Variants in SLC35D1 observed in about 807,000 individuals in gnomAD.
The protein encoded by SLC35D1 is nucleotide sugar transporter SLC35D1.
In SLC35D1, 31 loss-of-function variants were observed where a neutral mutation model predicts 46.7. That is an observed-to-expected ratio of 0.66 (90% CI 0.50 to 0.90). SLC35D1 has a LOEUF of 0.90. SLC35D1 is among the 40% of genes least tolerant of loss of function. SLC35D1 has a pLI of 0.00. For missense variants in SLC35D1, 397 were observed against 426.2 expected (o/e 0.93, Z 0.60); for synonymous variants, 195 against 164.6 (o/e 1.18, Z -1.41).
chr1:67,001,688 G>C lies in SLC35D1; in HGVS notation c.*2652C>G, dbSNP rs1448103217. 1 of 152,374 alleles carries C rather than the reference G, an allele frequency of 6.6e-6. No homozygotes were observed. Among genetic ancestry groups the C allele is most frequent in the Admixed American group, 6.5e-5 (1 of 15,286 alleles). The allele number at this position is 152,374 out of a possible 1,614,324, so 9.4% of individuals were successfully genotyped here. On this transcript the variant is annotated 3_prime_UTR_variant, in exon 12 of 12. Coordinates refer to ENST00000235345, the MANE Select transcript of SLC35D1 (RefSeq NM_015139.3). ...ACCAGACTTTCTGGGAGGTGCCACA[G>C]TACCAGGTAAATCACCAGTATATTG...
intron 10 of SLC35D1, among the ~76,000 whole-genome samples, chr1:67,017,268 T>C (rs1258077838): frequency 2.0e-5 from 3 of 152,124 alleles, no homozygotes; most frequent in African/African-American, 7.2e-5. Flanking sequence ...AATGGGAGAC[T>C]AGAAGAAAAA....
the SLC35D1 span, among the ~76,000 whole-genome samples, chr1:66,976,149 A>G: frequency 6.6e-6 from 1 of 151,514 alleles, no homozygotes; most frequent in African/African-American, 2.4e-5. Context: ...GATTACAGGC[A>G]CCTGCCACCA....
chr1:67,031,545 G>A (rs1668017996), intron 8 of SLC35D1, among the ~76,000 whole-genome samples: 1 of 151,618 alleles, frequency 6.6e-6, no homozygotes, highest in Non-Finnish European at 1.5e-5. Context: ...CATCTGTACT[G>A]CCGCAAAAAA....
downstream of SLC35D1, among the ~76,000 whole-genome samples, chr1:66,994,582 T>A (rs944921788): frequency 6.6e-6 from 1 of 151,386 alleles, no homozygotes; most frequent in Non-Finnish European, 1.5e-5. Context: ...AGGCAGAGGT[T>A]GCAGTGAGCC....
the SLC35D1 span, chr1:66,988,608 C>T: frequency 2.6e-5 from 4 of 152,076 alleles, no homozygotes; most frequent in Admixed American, 1.3e-4. Context: ...ATTAAAATGT[C>T]ATTTTGCTTG....
chr1:66,988,257 T>G, the SLC35D1 span: 4 of 152,270 alleles, frequency 2.6e-5, no homozygotes, highest in Admixed American at 1.3e-4. Flanking sequence ...TAAAAATGAC[T>G]CTCTTCTCTC....
the SLC35D1 span, chr1:66,985,988 G>A: frequency 1.0e-6 from 1 of 987,814 alleles, no homozygotes; most frequent in Non-Finnish European, 1.2e-6. Flanking sequence ...AATATATCAT[G>A]CTGACCAGAA....
intron 11 of SLC35D1, among the ~76,000 whole-genome samples, chr1:67,007,515 G>C (rs1055389319): frequency 6.6e-6 from 1 of 152,096 alleles, no homozygotes; most frequent in African/African-American, 2.4e-5. Flanking sequence ...GCACACTATT[G>C]CCACATGGTT....
intron 11 of SLC35D1, among the ~76,000 whole-genome samples, chr1:67,005,976 G>T (rs866896821): frequency 6.6e-6 from 1 of 152,108 alleles, no homozygotes; most frequent in Non-Finnish European, 1.5e-5. Context: ...CTTGAGGAAA[G>T]GGGGCCTCAT....
chr1:67,010,818 T>C (rs1667551360), intron 10 of SLC35D1, among the ~76,000 whole-genome samples: 1 of 152,170 alleles, frequency 6.6e-6, no homozygotes, highest in Non-Finnish European at 1.5e-5. Context: ...TTCTTTAACA[T>C]ACAGTAATTA....
chr1:67,017,106 A>G (rs907986630), intron 10 of SLC35D1, among the ~76,000 whole-genome samples: 3 of 152,198 alleles, frequency 2.0e-5, no homozygotes, highest in African/African-American at 7.2e-5. Flanking sequence ...AAGATTCCTT[A>G]TTAAAAAGTT....
At chr1:67,008,293 C>T (rs1293220365) in intron 11 of SLC35D1, 13 of 498,186 alleles carry the variant, frequency 2.6e-5, no homozygotes, top group Non-Finnish European at 3.3e-5. Flanking sequence ...TGCCTGCCAC[C>T]ACATCCAGCT....
In SLC35D1 at chr1:67,003,060, A is replaced by C. The variant is rs1221935423; in HGVS notation, c.*1280T>G. Reference sequence around the variant, plus strand: ...AGGTGAGCCAAGGGGCACATGATGTAGGTGAGAATGTTGAAAGGAGGGAAG... The same window carrying C: ...AGGTGAGCCAAGGGGCACATGATGTCGGTGAGAATGTTGAAAGGAGGGAAG... On this transcript the variant is annotated 3_prime_UTR_variant, in exon 12 of 12. Transcript: ENST00000235345. 6.6e-6 allele frequency: 1 copy of C among 152,398 alleles called. No individual in the cohort carries two copies. Among genetic ancestry groups the C allele is most frequent in the East Asian group, 1.9e-4 (1 of 5,344 alleles). 9.4% of individuals were successfully genotyped at this position (152,398 alleles called of 1,614,324 possible).
chr1:67,038,986 T>A (rs538246686), intron 8 of SLC35D1, among the ~76,000 whole-genome samples: 8 of 152,280 alleles, frequency 5.3e-5, no homozygotes, highest in Admixed American at 3.9e-4. Context: ...TTTTTCATCG[T>A]TGGCCTCCAA....
chr1:66,992,702 A>T, the SLC35D1 span, among the ~76,000 whole-genome samples: 4 of 152,216 alleles, frequency 2.6e-5, no homozygotes, highest in African/African-American at 9.7e-5. Context: ...ACTATTAGCT[A>T]CGCTTTACCC....
chr1:66,988,586 ATG>A, the SLC35D1 span: 2 of 152,320 alleles, frequency 1.3e-5, no homozygotes, highest in African/African-American at 4.8e-5. Context: ...GAATTATAGA[ATG>A]TATAATGTAA....
rs149106910 is a variant in SLC35D1, at chr1:67,053,952, G to T, written c.62C>A (p.Ser21Tyr). The change falls in exon 1 of 12, where the codon TCC (serine) becomes TAC (tyrosine). Residue 21 changes from serine (S) to tyrosine (Y), a missense_variant. Coordinates refer to ENST00000235345, the MANE Select transcript of SLC35D1 (RefSeq NM_015139.3). ...CAGCTCCTCCTCATCTCGGAGTGTGGAGGATTTCGCGGGGGCTTCTCCTTT... is the reference window on the plus strand; with the variant it reads ...CAGCTCCTCCTCATCTCGGAGTGTGTAGGATTTCGCGGGGGCTTCTCCTTT... ...RVKGEAPAKSSTLRDEEELGM... is the reference protein window; with the variant it reads ...RVKGEAPAKSYTLRDEEELGM... The T allele has an allele frequency of 2.5e-6, 4 of 1,613,570 alleles. No homozygotes were observed.
intron 1 of SLC35D1, among the ~76,000 whole-genome samples, 181 bp from the exon 2 acceptor site, chr1:67,053,170 G>C (rs1296553081): frequency 6.6e-6 from 1 of 152,124 alleles, no homozygotes; most frequent in South Asian, 2.1e-4. Context: ...AGTCCACCCC[G>C]CTGATGTAGC....
At chr1:67,026,988 C>T (rs910430535) in intron 8 of SLC35D1, among the ~76,000 whole-genome samples, 25 of 152,086 alleles carry the variant, frequency 1.6e-4, no homozygotes, top group African/African-American at 3.6e-4. Context: ...GTCCCTCCCA[C>T]GACACATGGG....
Sources: gnomAD v4.1 joint callset for allele counts (sites outside exome capture counted in the v4.1 genomes callset) on GRCh38, gnomAD v4.1.1 for gene constraint, MANE v1.5 for transcripts, NCBI Gene and HGNC (gene_info 2026-07-23, HGNC 2026-07-21) for gene names.